LMBRD1: variants seen among roughly 807,000 people sequenced by gnomAD.
LMBRD1 encodes lysosomal cobalamin transport escort protein LMBD1.
Under a neutral mutation model 74.8 loss-of-function variants are expected in LMBRD1, and 64 were observed. The observed-to-expected ratio is 0.86, with a 90% CI of 0.70 to 1.05. The LOEUF is 1.05. Among genes scored for constraint, LMBRD1 ranks in the 50% least tolerant of loss-of-function variants. LMBRD1 has a pLI of 0.00. For missense variants in LMBRD1, 652 were observed against 645.9 expected, an observed-to-expected ratio of 1.01 and a Z score of -0.10; for synonymous variants, 204 against 216.3, an observed-to-expected ratio of 0.94 and a Z score of 0.50.
rs1265787725 is a variant in LMBRD1 at position 69,749,337 on chromosome 6, T to G, written c.473+4A>C. ...TGGTTTAAAAAAAAAAAATCAAGAC[T>G]TACCCAACTAAAAGAAGCAGTGCAC... On this transcript the variant is annotated splice_donor_region_variant and intron_variant, in intron 5 of 15. Coordinates refer to ENST00000649934, the MANE Select transcript of LMBRD1 (RefSeq NM_018368.4). 12 of 1,603,486 alleles carry G rather than the reference T, an allele frequency of 7.5e-6. No homozygotes were observed. The highest frequency in any genetic ancestry group is 8.5e-6 in the Non-Finnish European group (10 of 1,173,728).
chr6:69,795,573 T>G (rs546953298), intron 1 of LMBRD1, among the ~76,000 whole-genome samples: 3 of 152,240 alleles, frequency 2.0e-5, no homozygotes, highest in Non-Finnish European at 4.4e-5. Context: ...TATTTATTTT[T>G]TTCTAAACAA....
chr6:69,702,389 T>C (rs190020168), intron 9 of LMBRD1, among the ~76,000 whole-genome samples: 2 of 151,882 alleles, frequency 1.3e-5, no homozygotes, highest in East Asian at 1.9e-4. Context: ...AGTAATAATA[T>C]ATATAAATGA....
At chr6:69,704,720 C>T (rs763586966) in intron 9 of LMBRD1, among the ~76,000 whole-genome samples, 9 of 152,098 alleles carry the variant, frequency 5.9e-5, no homozygotes, top group Non-Finnish European at 1.0e-4. Flanking sequence ...TTTATTAGTA[C>T]TAAATTAGGA....
intron 4 of LMBRD1, 61 bp from the exon 5 acceptor site, chr6:69,749,469 T>C (rs1023463782): frequency 6.2e-6 from 8 of 1,295,896 alleles, no homozygotes; most frequent in Middle Eastern, 1.8e-4. Context: ...TAAAATATTC[T>C]TGCAACACTT....
At chr6:69,792,348 C>A (rs1766105901) in intron 1 of LMBRD1, among the ~76,000 whole-genome samples, 1 of 152,234 alleles carries the variant, frequency 6.6e-6, no homozygotes, top group African/African-American at 2.4e-5. Flanking sequence ...CCCTGACAAC[C>A]ACTATCTGTT....
At chr6:69,779,161 G>A (rs898081928) in intron 3 of LMBRD1, among the ~76,000 whole-genome samples, 6 of 145,152 alleles carry the variant, frequency 4.1e-5, no homozygotes, top group East Asian at 4.0e-4. Flanking sequence ...ACTCCAGCCT[G>A]GGCAACAGGG....
At chr6:69,783,424 G>A (rs947371193) in intron 2 of LMBRD1, among the ~76,000 whole-genome samples, 1 of 152,212 alleles carries the variant, frequency 6.6e-6, no homozygotes, top group African/African-American at 2.4e-5. Context: ...CCAGGCTGCA[G>A]TGCAGTGGCA....
chr6:69,675,807 C>A lies in LMBRD1; in HGVS notation c.*351G>T. 1 of 261,974 alleles carries A rather than the reference C, an allele frequency of 3.8e-6. No homozygotes were observed. The allele number at this position is 261,974 out of a possible 1,614,324, so 16.2% of individuals were successfully genotyped here. On this transcript the variant is annotated 3_prime_UTR_variant, in exon 16 of 16. Transcript: ENST00000649934. ...CCACATCACTCTGGAGAACCTAAGG[C>A]ACAGATACAGATGATTTATTATGTT...
intron 14 of LMBRD1, among the ~76,000 whole-genome samples, chr6:69,695,857 T>C (rs200351810): frequency 1.3e-4 from 17 of 132,442 alleles, no homozygotes; most frequent in African/African-American, 3.8e-4. Context: ...TTTTTTTTTT[T>C]CCCTGAGACA....
intron 7 of LMBRD1, among the ~76,000 whole-genome samples, chr6:69,726,797 G>T (rs573875138): frequency 4.1e-4 from 62 of 151,742 alleles, no homozygotes; most frequent in African/African-American, 1.5e-3. Flanking sequence ...AAAAAAATGA[G>T]TAAGACCCAG....
At chr6:69,738,037 T>TA in intron 6 of LMBRD1, 22 bp from the exon 7 acceptor site, 1 of 1,549,540 alleles carries the variant, frequency 6.5e-7, no homozygotes, top group Non-Finnish European at 8.9e-7. Context: ...GAAAAACTGT[T>TA]AAAAATGTAC....
At chr6:69,757,278 G>A (rs960925933) in intron 3 of LMBRD1, among the ~76,000 whole-genome samples, 3 of 152,144 alleles carry the variant, frequency 2.0e-5, no homozygotes, top group Non-Finnish European at 4.4e-5. Context: ...AAAAAAAAAT[G>A]GGGCAGCTAT....
chr6:69,691,517 G>C (rs567595508), intron 14 of LMBRD1, among the ~76,000 whole-genome samples: 1 of 152,154 alleles, frequency 6.6e-6, no homozygotes, highest in South Asian at 2.1e-4. Context: ...TAGACAAATG[G>C]TTTCAGAAGG....
intron 2 of LMBRD1, among the ~76,000 whole-genome samples, chr6:69,789,435 G>A (rs191889997): frequency 3.5e-4 from 54 of 152,144 alleles, no homozygotes; most frequent in African/African-American, 1.3e-3. Context: ...GCTGAGGGAC[G>A]AGAATCGCTT....
chr6:69,697,729 C>T, intron 13 of LMBRD1, 88 bp from the exon 14 acceptor site: 2 of 745,648 alleles, frequency 2.7e-6, no homozygotes, highest in South Asian at 3.1e-5. Context: ...ACTGTATACT[C>T]TGTATACTAA....
At chr6:69,732,824 C>T (rs912119280) in intron 7 of LMBRD1, among the ~76,000 whole-genome samples, 2 of 152,164 alleles carry the variant, frequency 1.3e-5, no homozygotes, top group Non-Finnish European at 2.9e-5. Context: ...CATCATTATT[C>T]AACATTTCCC....
intron 3 of LMBRD1, among the ~76,000 whole-genome samples, chr6:69,767,750 T>C (rs977237909): frequency 1.3e-5 from 2 of 151,938 alleles, no homozygotes; most frequent in African/African-American, 4.8e-5. Context: ...ACTGATTTTC[T>C]AACTGTTCTA....
intron 3 of LMBRD1, among the ~76,000 whole-genome samples, chr6:69,765,430 G>A (rs1765458324): frequency 6.6e-6 from 1 of 151,982 alleles, no homozygotes; most frequent in Non-Finnish European, 1.5e-5. Flanking sequence ...GAATATAAAG[G>A]TTTATTTTTG....
At chr6:69,716,391 T>A (rs944168478) in intron 8 of LMBRD1, among the ~76,000 whole-genome samples, 1 of 152,210 alleles carries the variant, frequency 6.6e-6, no homozygotes, top group Non-Finnish European at 1.5e-5. Context: ...TTTTTTCATA[T>A]GATTTTTTGG....
Sources: gnomAD v4.1 joint callset for allele counts (sites outside exome capture counted in the v4.1 genomes callset) on GRCh38, gnomAD v4.1.1 for gene constraint, MANE v1.5 for transcripts, NCBI Gene and HGNC (gene_info 2026-07-23, HGNC 2026-07-21) for gene names.